TAFA4: variants seen among roughly 807,000 people sequenced by gnomAD.
TAFA4 encodes TAFA chemokine like family member 4.
Under a neutral mutation model 21.1 loss-of-function variants are expected in TAFA4, and 20 were observed. The ratio of observed to expected loss-of-function variants is 0.95; its 90% CI spans 0.67 to 1.38. The LOEUF is 1.38. Ranked by LOEUF, TAFA4 falls within the 40% of genes most tolerant of loss-of-function variation. The probability of loss-of-function intolerance (pLI) is 0.00; values close to 1 mark genes in which losing one functional copy is unlikely to be tolerated. For synonymous variants in TAFA4, 71 were observed against 67.4 expected, an observed-to-expected ratio of 1.05 and a Z score of -0.26; for missense variants, 211 against 180.9, an observed-to-expected ratio of 1.17 and a Z score of -0.95.
At position 68,861,689 on chromosome 3, in the gene TAFA4, C is replaced by T. The variant is rs550411073; in HGVS notation, c.130+19041G>A. Among the ~76,000 whole-genome samples, 9 of 152,158 alleles carry T rather than the reference C, an allele frequency of 5.9e-5. 1 individual carries two copies. The South Asian group carries it at 8.3e-4, about 14-fold the overall frequency. On this transcript the variant is annotated intron_variant, in intron 3 of 5. Coordinates refer to ENST00000295569, the MANE Select transcript of TAFA4 (RefSeq NM_182522.5). ...AGCCAACCCCCCCAGCCCAGCTCAA[C>T]ACCCTCAGGGAAAAATACCACAGCC...
chr3:68,917,733 G>A (rs955969914), intron 1 of TAFA4, among the ~76,000 whole-genome samples: 1 of 128,380 alleles, frequency 7.8e-6, no homozygotes, highest in African/African-American at 3.0e-5. Flanking sequence ...CAGCCTGGAC[G>A]ACAGAGCGAG....
chr3:68,875,700 G>A (rs755934383), intron 3 of TAFA4, among the ~76,000 whole-genome samples: 1 of 152,020 alleles, frequency 6.6e-6, no homozygotes, highest in Non-Finnish European at 1.5e-5. Flanking sequence ...GTTTGCTAGT[G>A]GGTAACTTTA....
intron 3 of TAFA4, among the ~76,000 whole-genome samples, chr3:68,792,660 C>G (rs2106815256): frequency 6.6e-6 from 1 of 152,278 alleles, no homozygotes; most frequent in Admixed American, 6.5e-5. Context: ...CCCTGCTGTT[C>G]ATTGACAAAA....
intron 3 of TAFA4, among the ~76,000 whole-genome samples, chr3:68,868,250 G>A (rs146558386): frequency 8.4e-4 from 128 of 151,938 alleles, no homozygotes; most frequent in African/African-American, 2.9e-3. Context: ...GAGACAAAGA[G>A]GTTCACTATA....
intron 3 of TAFA4, among the ~76,000 whole-genome samples, chr3:68,821,856 GTAAC>G (rs1431548996): frequency 7.2e-5 from 11 of 152,118 alleles, no homozygotes; most frequent in Admixed American, 6.6e-4. Context: ...ACCATGATAA[GTAAC>G]TAGCAGCTCT....
At chr3:68,896,533 T>C (rs773394249) in intron 1 of TAFA4, among the ~76,000 whole-genome samples, 4 of 152,226 alleles carry the variant, frequency 2.6e-5, no homozygotes, top group Non-Finnish European at 4.4e-5. Flanking sequence ...TCTTGCAATA[T>C]GCCATTGGTT....
chr3:68,875,927 A>AG (rs2089544572), intron 3 of TAFA4, among the ~76,000 whole-genome samples: 1 of 152,068 alleles, frequency 6.6e-6, no homozygotes, highest in African/African-American at 2.4e-5. Flanking sequence ...TAAAAAAAAA[A>AG]AAGAGAGAGA....
chr3:68,920,682 CAGG>C (rs2090051302), intron 1 of TAFA4, among the ~76,000 whole-genome samples: 2 of 140,170 alleles, frequency 1.4e-5, no homozygotes, highest in Admixed American at 7.4e-5. Flanking sequence ...GTATTCCCTG[CAGG>C]AGTTCTACAA....
chr3:68,898,162 C>T (rs1311011275), intron 1 of TAFA4, among the ~76,000 whole-genome samples: 2 of 152,154 alleles, frequency 1.3e-5, no homozygotes, highest in Admixed American at 1.3e-4. Flanking sequence ...ATAGCTTGAG[C>T]AAAGGTCAGT....
chr3:68,903,781 G>A (rs60661373), intron 1 of TAFA4, among the ~76,000 whole-genome samples: 164 of 152,244 alleles, frequency 1.1e-3, no homozygotes, highest in Middle Eastern at 6.8e-3. Flanking sequence ...ATTATTATGA[G>A]ACAGGATCCA....
chr3:68,791,992 A>C (rs1432968808), intron 3 of TAFA4, among the ~76,000 whole-genome samples: 1 of 152,220 alleles, frequency 6.6e-6, no homozygotes, highest in Non-Finnish European at 1.5e-5. Flanking sequence ...ATTCTAAAAA[A>C]AAACTCTGAG....
chr3:68,749,569 A>C (rs1174582894), intron 4 of TAFA4, among the ~76,000 whole-genome samples: 1 of 152,226 alleles, frequency 6.6e-6, no homozygotes, highest in East Asian at 1.9e-4. Flanking sequence ...TAAGGAAGAG[A>C]TCAAAGAGAG....
chr3:68,824,998 G>A (rs993075893), intron 3 of TAFA4, among the ~76,000 whole-genome samples: 1 of 152,120 alleles, frequency 6.6e-6, no homozygotes, highest in African/African-American at 2.4e-5. Context: ...AAGTTCTGGG[G>A]TACATGTACA....
At chr3:68,844,957 A>G (rs771947186) in intron 3 of TAFA4, among the ~76,000 whole-genome samples, 5 of 152,212 alleles carry the variant, frequency 3.3e-5, no homozygotes, top group Non-Finnish European at 7.3e-5. Context: ...CAATTTTAGA[A>G]TAAGTGCAAT....
chr3:68,786,485 C>G (rs1424627163), intron 3 of TAFA4, among the ~76,000 whole-genome samples: 1 of 152,166 alleles, frequency 6.6e-6, no homozygotes, highest in Non-Finnish European at 1.5e-5. Flanking sequence ...AGTGAGACTC[C>G]ACCCCTTCAA....
rs1004916721 is a variant in TAFA4 at position 68,927,459 on chromosome 3, C to A, written c.-123+4781G>T. On this transcript the variant is annotated intron_variant, in intron 1 of 5. Coordinates refer to ENST00000295569, the MANE Select transcript of TAFA4 (RefSeq NM_182522.5). Reference sequence around the variant, plus strand: ...TTTTGACAGCTCCGCCTTTTGTTAACGTAACTGAAATACTGTAGAATGTTC... The same window carrying A: ...TTTTGACAGCTCCGCCTTTTGTTAAAGTAACTGAAATACTGTAGAATGTTC... Among the ~76,000 whole-genome samples the A allele has an allele frequency of 3.3e-5, 5 of 152,242 alleles. No homozygotes were observed. The South Asian group carries it at 1.0e-3, about 32-fold the overall frequency.
intron 1 of TAFA4, among the ~76,000 whole-genome samples, chr3:68,922,473 A>C (rs2090068524): frequency 6.6e-6 from 1 of 152,256 alleles, no homozygotes; most frequent in Non-Finnish European, 1.5e-5. Context: ...GGATCAAAAA[A>C]AAATTGCAAT....
Position 68,783,754 on chromosome 3 carries a change from A to AAAGT in TAFA4, c.131-30737_131-30736insACTT, listed in dbSNP as rs1703199125. Among the ~76,000 whole-genome samples, 7 of 151,684 alleles carry AAAGT rather than the reference A, an allele frequency of 4.6e-5. No individual in the cohort carries two copies. In the South Asian group the frequency reaches 8.3e-4, roughly 18 times the overall value. ...GAAAGAAAGAAAGAAAGTAAGAAAG[A>AAAGT]AAGAAACAAAAACAAAGAAACAAAG... On this transcript the variant is annotated intron_variant, in intron 3 of 5. Transcript: ENST00000295569.
At chr3:68,879,603 T>C (rs1404941750) in intron 3 of TAFA4, among the ~76,000 whole-genome samples, 1 of 152,208 alleles carries the variant, frequency 6.6e-6, no homozygotes, top group African/African-American at 2.4e-5. Context: ...CAAATGGTAT[T>C]GATTTTATGC....
Sources: gnomAD v4.1 joint callset for allele counts (sites outside exome capture counted in the v4.1 genomes callset) on GRCh38, gnomAD v4.1.1 for gene constraint, MANE v1.5 for transcripts, NCBI Gene and HGNC (gene_info 2026-07-23, HGNC 2026-07-21) for gene names.